Variants in HAUS6 observed in about 807,000 individuals in gnomAD.
HAUS6 encodes HAUS augmin like complex subunit 6.
Under a neutral mutation model 106.8 loss-of-function variants are expected in HAUS6, and 80 were observed. The ratio of observed to expected loss-of-function variants is 0.75; its 90% CI spans 0.63 to 0.90. The LOEUF (loss-of-function observed/expected upper bound fraction) is 0.90, where lower values mean the gene tolerates loss of function less well. Ranked by LOEUF, HAUS6 falls within the 40% of genes least tolerant of loss-of-function variation. The probability of loss-of-function intolerance (pLI) is 0.00; values close to 1 mark genes in which losing one functional copy is unlikely to be tolerated. For synonymous variants in HAUS6, 356 were observed against 379.1 expected, an observed-to-expected ratio of 0.94 and a Z score of 0.71; for missense variants, 1,155 against 1,118.1, an observed-to-expected ratio of 1.03 and a Z score of -0.47.
In HAUS6 at chr9:19,063,212, T is replaced by C. The variant is rs1836669450; in HGVS notation, c.1444-19A>G. On this transcript the variant is annotated intron_variant, in intron 13 of 16. Coordinates refer to ENST00000380502, the MANE Select transcript of HAUS6 (RefSeq NM_017645.5). Reference sequence around the variant, plus strand: ...TTGTGTCCTGAAGAAGACAGATATGTAATGTTAAACCCTTAATAATCATGG... The same window carrying C: ...TTGTGTCCTGAAGAAGACAGATATGCAATGTTAAACCCTTAATAATCATGG... 5.3e-6 allele frequency: 8 copies of C among 1,522,068 alleles called. No homozygotes were observed. The highest frequency in any genetic ancestry group is 7.2e-6 in the Non-Finnish European group (8 of 1,107,014). The allele number at this position is 1,522,068 out of a possible 1,614,324, so 94.3% of individuals were successfully genotyped here. A position where few individuals can be genotyped will look rare whatever the true frequency, so the allele number is the denominator to read the frequency against.
intron 12 of HAUS6, among the ~76,000 whole-genome samples, chr9:19,067,747 G>A (rs1436947469): frequency 6.6e-6 from 1 of 152,084 alleles, no homozygotes; most frequent in Non-Finnish European, 1.5e-5. Context: ...GGAGTGCAAT[G>A]GTGCAACCTC....
chr9:19,100,682 T>TTGAATGGATAAAGAAAACAGA (rs1163563706), intron 1 of HAUS6, among the ~76,000 whole-genome samples: 4 of 152,152 alleles, frequency 2.6e-5, no homozygotes, highest in Non-Finnish European at 5.9e-5. Context: ...TCAACCTAAG[T>TTGAATGGATAAAGAAAACAGA]TGAATGGATA....
chr9:19,102,490 G>T, intron 1 of HAUS6, 34 bp downstream of exon 1: 1 of 1,606,854 alleles, frequency 6.2e-7, no homozygotes, highest in Non-Finnish European at 8.5e-7. Context: ...CCCCGGTTCA[G>T]GCTCCCTCGC....
Position 19,054,122 on chromosome 9 carries a change from C to G in HAUS6, c.*2221G>C, listed in dbSNP as rs1836419227. On this transcript the variant is annotated 3_prime_UTR_variant, in exon 17 of 17. Coordinates refer to ENST00000380502, the MANE Select transcript of HAUS6 (RefSeq NM_017645.5). Reference sequence around the variant, plus strand: ...AAAAGAGAGCTGTAATTGTGGTAAACTAGTAGAGGAAAGCAAGGTATTCCT... The same window carrying G: ...AAAAGAGAGCTGTAATTGTGGTAAAGTAGTAGAGGAAAGCAAGGTATTCCT... The G allele has an allele frequency of 6.6e-6, 1 of 151,988 alleles. No homozygotes were observed. The highest frequency in any genetic ancestry group is 6.6e-5 in the Admixed American group (1 of 15,258). The allele number at this position is 151,988 out of a possible 1,614,324, so 9.4% of individuals were successfully genotyped here. A position where few individuals can be genotyped will look rare whatever the true frequency, so the allele number is the denominator to read the frequency against.
intron 7 of HAUS6, among the ~76,000 whole-genome samples, chr9:19,086,293 T>G (rs1225771275): frequency 2.9e-4 from 31 of 105,936 alleles, no homozygotes; most frequent in Non-Finnish European, 5.7e-4. Flanking sequence ...CCTGGGAGAG[T>G]GAGACTCCAT....
intron 6 of HAUS6, 25 bp from the exon 7 acceptor site, chr9:19,086,807 T>C: frequency 1.1e-6 from 1 of 917,912 alleles, no homozygotes; most frequent in Non-Finnish European, 1.7e-6. Context: ...ATAATCTAAT[T>C]AGTCATATTA....
In HAUS6 at chr9:19,058,083, G is replaced by T. The variant is rs757118497; in HGVS notation, c.2684C>A (p.Ser895Tyr). The T allele has an allele frequency of 3.1e-6, 5 of 1,613,966 alleles. No homozygotes were observed. The African/African-American group carries it at 6.7e-5, about 22-fold the overall frequency. ...TCTTTCACCGATGGACGTGCGTAAA[G>T]ATGGCTTTATATGCTCAGTATGCAA... ...CDLHTEHIKP[S>Y]LRTSIGERKR... The change falls in exon 16 of 17, where the codon TCT becomes TAT. Residue 895 changes from serine to tyrosine, a missense_variant. By Grantham distance (144) the Ser-to-Tyr change is moderately radical. Coordinates refer to ENST00000380502, the MANE Select transcript of HAUS6 (RefSeq NM_017645.5).
At chr9:19,062,857 G>T in intron 14 of HAUS6, 151 bp downstream of exon 14, 1 of 655,782 alleles carries the variant, frequency 1.5e-6, no homozygotes, top group Non-Finnish European at 2.7e-6. Context: ...TGTAGAGATG[G>T]GTTTCGCCAT....
At chr9:19,084,583 G>A (rs527363995) in intron 7 of HAUS6, among the ~76,000 whole-genome samples, 11 of 151,578 alleles carry the variant, frequency 7.3e-5, no homozygotes, top group East Asian at 1.9e-4. Context: ...CTTCCTGCAC[G>A]ATAAAAATAC....
rs887940394 is a variant in HAUS6, at chr9:19,060,267, T to C, written c.1630-44A>G. 16 of 1,455,698 alleles carry C rather than the reference T, an allele frequency of 1.1e-5. No individual in the cohort carries two copies. In the Admixed American group the frequency reaches 1.7e-4, roughly 15 times the overall value. 90.2% of individuals were successfully genotyped at this position (1,455,698 alleles called of 1,614,324 possible). ...AGTAAAGCAAAGATTACCAAGCCCA[T>C]TGGTAGAATGCAACAAAACCCCTGA... On this transcript the variant is annotated intron_variant, in intron 14 of 16. Transcript: ENST00000380502.
intron 7 of HAUS6, 133 bp downstream of exon 7, chr9:19,086,599 AAC>A (rs1837300696): frequency 4.1e-6 from 2 of 492,802 alleles, no homozygotes; most frequent in Non-Finnish European, 7.2e-6. Flanking sequence ...CAGCCTGGGC[AAC>A]AGAGCGAGAC....
intron 5 of HAUS6, 81 bp downstream of exon 5, chr9:19,089,331 G>A (rs2131145646): frequency 2.3e-6 from 2 of 869,204 alleles, no homozygotes; most frequent in South Asian, 1.5e-5. Flanking sequence ...AGGTAGGCAT[G>A]GATTATTTCT....
chr9:19,094,022 GC>G (rs1023780177), intron 3 of HAUS6, among the ~76,000 whole-genome samples: 1 of 152,076 alleles, frequency 6.6e-6, no homozygotes, highest in African/African-American at 2.4e-5. Flanking sequence ...TACTATCTGG[GC>G]AAACAAACTA....
At chr9:19,085,615 C>CA (rs71494997) in intron 7 of HAUS6, among the ~76,000 whole-genome samples, 13,543 of 129,644 alleles carry the variant, frequency 0.1, 1,015 homozygotes, top group African/African-American at 0.22. Context: ...AGATTTTATC[C>CA]AAAAAAAAAA....
At chr9:19,094,931 T>A (rs1453963034) in intron 2 of HAUS6, among the ~76,000 whole-genome samples, 1 of 151,944 alleles carries the variant, frequency 6.6e-6, no homozygotes, top group Non-Finnish European at 1.5e-5. Flanking sequence ...CTAAAATGTA[T>A]TAAATGAGGG....
chr9:19,058,392 G>C lies in HAUS6; in HGVS notation c.2375C>G (p.Ser792Cys). 2 of 1,613,806 alleles carry C rather than the reference G, an allele frequency of 1.2e-6. No individual in the cohort carries two copies. Among genetic ancestry groups the C allele is most frequent in the Non-Finnish European group, 1.7e-6 (2 of 1,179,806 alleles). ...TTTAAAATTGGCCTCTGAACTACTG[G>C]AACTATTAAAACTTAGATGACCAAC... ...EEVGHLSFNS[S>C]SSSEANFKLE... The change falls in exon 16 of 17, where the codon TCC becomes TGC. Residue 792 changes from serine (S) to cysteine (C), a missense_variant. Around this residue, in one of 3 missense-constraint regions of HAUS6, gnomAD observed 380 missense variants for 394.8 expected, o/e 0.96. Coordinates refer to ENST00000380502, the MANE Select transcript of HAUS6 (RefSeq NM_017645.5).
intron 11 of HAUS6, among the ~76,000 whole-genome samples, chr9:19,070,727 A>G (rs1038515173): frequency 7.2e-5 from 11 of 152,354 alleles, no homozygotes; most frequent in Admixed American, 4.6e-4. Flanking sequence ...TGCTACTACC[A>G]TACCAACAAT....
chr9:19,102,126 TAAAC>T (rs1348599568), intron 1 of HAUS6, among the ~76,000 whole-genome samples: 3 of 152,142 alleles, frequency 2.0e-5, no homozygotes, highest in Non-Finnish European at 4.4e-5. Context: ...ATTATAAAAT[TAAAC>T]AACCACCTTC....
chr9:19,100,328 T>G (rs1444904880), intron 1 of HAUS6, among the ~76,000 whole-genome samples: 1 of 152,248 alleles, frequency 6.6e-6, no homozygotes, highest in Non-Finnish European at 1.5e-5. Flanking sequence ...TTCAGGCCAC[T>G]GCACTCCAGC....
Sources: allele counts gnomAD v4.1 joint callset (sites outside exome capture counted in the v4.1 genomes callset), GRCh38; gene constraint gnomAD v4.1.1; regional missense constraint gnomAD v4.1.1; transcripts MANE v1.5; gene names NCBI Gene and HGNC (gene_info 2026-07-23, HGNC 2026-07-21).